OSBPL7: variants seen among roughly 807,000 people sequenced by gnomAD.
OSBPL7 encodes oxysterol-binding protein-related protein 7.
OSBPL7 carries 66 observed loss-of-function variants against 115.8 expected under a neutral mutation model. That is an observed-to-expected ratio of 0.57 (90% confidence interval 0.47 to 0.70). The LOEUF (loss-of-function observed/expected upper bound fraction) is 0.70. Ranked by LOEUF, OSBPL7 falls within the 30% of genes least tolerant of loss-of-function variation. The probability of loss-of-function intolerance (pLI) is 0.00; values close to 1 mark genes in which losing one functional copy is unlikely to be tolerated. For missense variants in OSBPL7, 902 were observed against 1,125.5 expected (o/e 0.80, Z 2.84); for synonymous variants, 441 against 439.2 (o/e 1.00, Z -0.05).
At chr17:47,812,162 AT>A (rs1305238902) in intron 16 of OSBPL7, among the ~76,000 whole-genome samples, 1 of 152,126 alleles carries the variant, frequency 6.6e-6, no homozygotes, top group African/African-American at 2.4e-5. Context: ...CTATTTTTTC[AT>A]AAAACCTACA....
intron 7 of OSBPL7, among the ~76,000 whole-genome samples, chr17:47,818,054 C>A (rs2033279776): frequency 6.6e-6 from 1 of 152,212 alleles, no homozygotes; most frequent in Non-Finnish European, 1.5e-5. Flanking sequence ...CCTGTCCCTG[C>A]ATCCACGTCT....
chr17:47,811,028 C>T (rs1323096968), intron 16 of OSBPL7, among the ~76,000 whole-genome samples, 193 bp from the exon 17 acceptor site: 1 of 152,122 alleles, frequency 6.6e-6, no homozygotes, highest in Admixed American at 6.5e-5. Flanking sequence ...TATGTTCTCC[C>T]TTCTCACTCG....
At chr17:47,814,479 A>G in intron 14 of OSBPL7, 42 bp downstream of exon 14, 1 of 1,086,688 alleles carries the variant, frequency 9.2e-7, no homozygotes, top group Non-Finnish European at 1.4e-6. Flanking sequence ...CTGTTTTTCC[A>G]CCCGCCTCCC....
At chr17:47,819,921 TCCCACCC>T in intron 3 of OSBPL7, 43 bp downstream of exon 3, 2 of 1,343,818 alleles carry the variant, frequency 1.5e-6, no homozygotes, top group Non-Finnish European at 2.1e-6. Context: ...TGCCCCCCAT[TCCCACCC>T]CGCCCCCCAT....
At position 47,815,235 on chromosome 17, in the gene OSBPL7, C is replaced by A. The variant is rs777755405; in HGVS notation, c.1237G>T (p.Ala413Ser). The change falls in exon 13 of 23, where the codon GCC becomes TCC. Residue 413 changes from alanine (A) to serine (S), a missense_variant. This residue lies in a region of OSBPL7 where 667 missense variants were observed against 788.7 expected (regional missense o/e 0.85). Transcript: ENST00000007414. Reference protein sequence around the residue: ...FFDACEVLLSASSSENEGSEE... With the variant: ...FFDACEVLLSSSSSENEGSEE... The stretch of plus-strand genomic sequence containing the variant: ...CTCACCTCATTCTCAGAAGAGCTGG[C>A]GGAGAGGAGAACCTCGCAGGCATCG... 1.9e-5 allele frequency: 30 copies of A among 1,613,216 alleles called. No homozygotes were observed. The highest frequency in any genetic ancestry group is 2.5e-5 in the Non-Finnish European group (29 of 1,179,524).
In OSBPL7 at chr17:47,816,654, G is replaced by A; in HGVS notation, c.837C>T (p.Tyr279=). Residue 279 remains tyrosine (Y), a synonymous_variant, in exon 10 of 23, where the codon TAC becomes TAT. Coordinates refer to ENST00000007414, the MANE Select transcript of OSBPL7 (RefSeq NM_145798.3). This position sits in a 1 kb window ranked among gnomAD's most constrained non-coding sequence, Gnocchi z 5.8. ...LHGSVPNLSR[Y]LESRDSSGTR... ...TGCCCGAGGAGTCCCGAGACTCCAG[G>A]TAGCGAGACAGGTTGGGAACAGAGC... 3.1e-6 allele frequency: 5 copies of A among 1,614,152 alleles called. No individual in the cohort carries two copies. Among genetic ancestry groups the A allele is most frequent in the Non-Finnish European group, 4.2e-6 (5 of 1,180,038 alleles).
chr17:47,813,833 C>T lies in OSBPL7; in HGVS notation c.1353G>A (p.Gly451=). ...DLRGAERCQK[G]GCVPGRPMGP... ...CCATGGGTCTCCCTGGAACACACCC[C>T]CCTGGGGCCGCCCTGCCATGTCACT... Residue 451 remains glycine (G), a splice_region_variant and synonymous_variant, in exon 15 of 23, where the codon GGG becomes GGA. Transcript: ENST00000007414. The T allele has an allele frequency of 6.2e-7, 1 of 1,606,028 alleles. No homozygotes were observed. The highest frequency in any genetic ancestry group is 8.5e-7 in the Non-Finnish European group (1 of 1,177,830).
At chr17:47,812,328 C>T (rs955183046) in intron 16 of OSBPL7, among the ~76,000 whole-genome samples, 1 of 152,194 alleles carries the variant, frequency 6.6e-6, no homozygotes, top group Non-Finnish European at 1.5e-5. Flanking sequence ...CTAGACACTG[C>T]GAGCAGTCCT....
Position 47,816,257 on chromosome 17 carries a change from T to C in OSBPL7, c.1024-55A>G. ...CAGGAGGATGAGGTCCTCCCCACCT[T>C]GCCGCATCTCTGCAGAGACTGCCTC... is the stretch of plus-strand genomic sequence containing the variant. On this transcript the variant is annotated intron_variant, in intron 11 of 22. Coordinates refer to ENST00000007414, the MANE Select transcript of OSBPL7 (RefSeq NM_145798.3). The surrounding 1 kb of genome is among the most constrained non-coding windows in gnomAD (Gnocchi z 5.8). 6.6e-7 allele frequency: 1 copy of C among 1,519,844 alleles called. No homozygotes were observed. Among genetic ancestry groups the C allele is most frequent in the Non-Finnish European group, 8.9e-7 (1 of 1,123,428 alleles). The allele number at this position is 1,519,844 out of a possible 1,614,324, so 94.1% of individuals were successfully genotyped here.
At chr17:47,813,036 CA>C (rs1312638269) in intron 16 of OSBPL7, among the ~76,000 whole-genome samples, 3 of 152,234 alleles carry the variant, frequency 2.0e-5, no homozygotes, top group Non-Finnish European at 4.4e-5. Flanking sequence ...TCCTTCAGTT[CA>C]TCCTAGCCCA....
chr17:47,816,317 G>T lies in OSBPL7; in HGVS notation c.1023+71C>A. 1 of 1,484,734 alleles carries T rather than the reference G, an allele frequency of 6.7e-7. No homozygotes were observed. Among genetic ancestry groups the T allele is most frequent in the Non-Finnish European group, 9.0e-7 (1 of 1,108,866 alleles). 92.0% of individuals were successfully genotyped at this position (1,484,734 alleles called of 1,614,324 possible). On this transcript the variant is annotated intron_variant, in intron 11 of 22. Coordinates refer to ENST00000007414, the MANE Select transcript of OSBPL7 (RefSeq NM_145798.3). This position sits in a 1 kb window ranked among gnomAD's most constrained non-coding sequence, Gnocchi z 5.8. ...CCCACCCTGACCCAGATCTGCTATCGGACCCCAGGCTGGCAGTCCTCAGCT... is the reference window on the plus strand; with the variant it reads ...CCCACCCTGACCCAGATCTGCTATCTGACCCCAGGCTGGCAGTCCTCAGCT...
intron 15 of OSBPL7, 64 bp downstream of exon 15, chr17:47,813,523 G>A (rs2033110524): frequency 6.9e-6 from 11 of 1,586,486 alleles, no homozygotes; most frequent in Middle Eastern, 1.7e-4. Context: ...GGATTTTCTG[G>A]GAGAAAAGAT....
Position 47,813,340 on chromosome 17 carries a change from G to T in OSBPL7, c.1663C>A (p.Pro555Thr). 6.2e-7 allele frequency: 1 copy of T among 1,614,122 alleles called. No individual in the cohort carries two copies. Among genetic ancestry groups the T allele is most frequent in the Non-Finnish European group, 8.5e-7 (1 of 1,180,030 alleles). ...GTCTCCCCCAGGACAGGGTTGAAGGGCTTGCAGCCGGCTCGGTGGTATGTG... is the reference window on the plus strand; with the variant it reads ...GTCTCCCCCAGGACAGGGTTGAAGGTCTTGCAGCCGGCTCGGTGGTATGTG... ...SSTYHRAGCK[P>T]FNPVLGETYE... The change falls in exon 16 of 23, where the codon CCC becomes ACC. Residue 555 changes from proline (P) to threonine (T), a missense_variant. By Grantham distance (38) the Pro-to-Thr change is conservative (BLOSUM62 -1). Transcript: ENST00000007414.
At chr17:47,810,906 C>T (rs1221238917) in intron 16 of OSBPL7, 71 bp from the exon 17 acceptor site, 4 of 1,467,692 alleles carry the variant, frequency 2.7e-6, no homozygotes, top group Non-Finnish European at 3.7e-6. Context: ...TCCCTTATTC[C>T]CACCCCTAGT....
rs2143517764 is a variant in OSBPL7 at position 47,809,075 on chromosome 17, C to T, written c.2170+1G>A. 6.2e-7 allele frequency: 1 copy of T among 1,614,026 alleles called. No homozygotes were observed. Among genetic ancestry groups the T allele is most frequent in the South Asian group, 1.1e-5 (1 of 91,088 alleles). On this transcript the variant is annotated splice_donor_variant, in intron 20 of 22. Coordinates refer to ENST00000007414, the MANE Select transcript of OSBPL7 (RefSeq NM_145798.3). LOFTEE classifies it high-confidence loss of function. ...CAGCCCTCTGTGACCCCTCCACTTACTGGGTTTCCAGATGCACTGGCCACC... is the reference window on the plus strand; with the variant it reads ...CAGCCCTCTGTGACCCCTCCACTTATTGGGTTTCCAGATGCACTGGCCACC...
chr17:47,816,512 CCTCG>C lies in OSBPL7; in HGVS notation c.929-34_929-31del, dbSNP rs1436056286. ...AGGGAGTGGGGCAGACCATCAGAGTCCTCGCTCGCTCCTGTCCGCTCCCCACCAG... is the reference window on the plus strand; with the variant it reads ...AGGGAGTGGGGCAGACCATCAGAGTCCTCGCTCCTGTCCGCTCCCCACCAG... On this transcript the variant is annotated intron_variant, in intron 10 of 22. Coordinates refer to ENST00000007414, the MANE Select transcript of OSBPL7 (RefSeq NM_145798.3). This position sits in a 1 kb window ranked among gnomAD's most constrained non-coding sequence, Gnocchi z 5.8. 13 of 1,563,664 alleles carry C rather than the reference CCTCG, an allele frequency of 8.3e-6. No homozygotes were observed. The highest frequency in any genetic ancestry group is 1.1e-5 in the Non-Finnish European group (13 of 1,154,134).
At position 47,815,290 on chromosome 17, in the gene OSBPL7, C is replaced by T. The variant is rs758448778; in HGVS notation, c.1182G>A (p.Leu394=). ...ACTCCGTGTGGGAATCAGCAAGGGACAGGATGCTGGTCTGCGATAGCTGGG... is the reference window on the plus strand; with the variant it reads ...ACTCCGTGTGGGAATCAGCAAGGGATAGGATGCTGGTCTGCGATAGCTGGG... ...LTPQLSQTSI[L]SLADSHTEFF... is the part of the protein sequence containing the mutation. Residue 394 remains leucine, a synonymous_variant, in exon 13 of 23, where the codon CTG becomes CTA. Coordinates refer to ENST00000007414, the MANE Select transcript of OSBPL7 (RefSeq NM_145798.3). The T allele has an allele frequency of 1.9e-5, 31 of 1,613,898 alleles. No individual in the cohort carries two copies. The African/African-American group carries it at 2.5e-4, about 13-fold the overall frequency.
At position 47,817,040 on chromosome 17, in the gene OSBPL7, C is replaced by A; in HGVS notation, c.703-168G>T. On this transcript the variant is annotated intron_variant, in intron 8 of 22. Transcript: ENST00000007414. Reference sequence around the variant, plus strand: ...CAGGGCGACAGAGACAACTGACATCCCAGTGGAAGATGACAGCCACCCTGG... The same window carrying A: ...CAGGGCGACAGAGACAACTGACATCACAGTGGAAGATGACAGCCACCCTGG... The A allele has an allele frequency of 4.1e-6, 3 of 740,252 alleles. 1 individual carries two copies. Among genetic ancestry groups the A allele is most frequent in the Middle Eastern group, 5.4e-4 (2 of 3,722 alleles). The allele number at this position is 740,252 out of a possible 1,614,324, so 45.9% of individuals were successfully genotyped here. A position where few individuals can be genotyped will look rare whatever the true frequency, so the allele number is the denominator to read the frequency against.
Position 47,809,440 on chromosome 17 carries a change from C to T in OSBPL7, c.1919G>A (p.Cys640Tyr), listed in dbSNP as rs1463748573. Reference sequence around the variant, plus strand: ...CTGACCACTCAGGACATTGTGAATGCAGGATGTCACCTTGTTCCACTCAAA... The same window carrying T: ...CTGACCACTCAGGACATTGTGAATGTAGGATGTCACCTTGTTCCACTCAAA... ...DHFEWNKVTS[C>Y]IHNVLSGQRW... The change falls in exon 19 of 23, where the codon TGC becomes TAC. Residue 640 changes from cysteine (C) to tyrosine (Y), a missense_variant. Around this residue, in one of 3 missense-constraint regions of OSBPL7, gnomAD observed 230 missense variants for 312.7 expected, o/e 0.74. Transcript: ENST00000007414. 1 of 1,613,920 alleles carries T rather than the reference C, an allele frequency of 6.2e-7. No individual in the cohort carries two copies. The highest frequency in any genetic ancestry group is 1.3e-5 in the African/African-American group (1 of 75,032).
Sources: gnomAD v4.1 joint callset for allele counts (sites outside exome capture counted in the v4.1 genomes callset) on GRCh38, gnomAD v4.1.1 for gene constraint, gnomAD v4.1.1 regional missense constraint, Gnocchi (gnomAD v3.1) non-coding constraint, MANE v1.5 for transcripts, NCBI Gene and HGNC (gene_info 2026-07-23, HGNC 2026-07-21) for gene names.